The following PIWIL1 variants were observed in gnomAD, a reference collection of about 807,000 sequenced individuals.
PIWIL1 encodes the protein piwi-like protein 1.
In PIWIL1, 73 loss-of-function variants were observed where a neutral mutation model predicts 114.4. That is an observed-to-expected ratio of 0.64 (90% CI 0.53 to 0.78). The LOEUF (loss-of-function observed/expected upper bound fraction) is 0.78. Among genes scored for constraint, PIWIL1 ranks in the 30% least tolerant of loss-of-function variants. The pLI, the probability that PIWIL1 is intolerant of heterozygous loss-of-function variation, is 0.00. For synonymous variants in PIWIL1, 375 were observed against 369.0 expected (o/e 1.02, Z -0.19); for missense variants, 723 against 1,063.1 (o/e 0.68, Z 4.45).
At chr12:130,397,414 C>CCTTTTTCTTTTT in the PIWIL1 span, 1 of 399,036 alleles carries the variant, frequency 2.5e-6, no homozygotes, top group Non-Finnish European at 4.4e-6. Flanking sequence ...GAAAGCAGCC[C>CCTTTTTCTTTTT]CTTTTTCTTT....
the PIWIL1 span, among the ~76,000 whole-genome samples, chr12:130,416,761 T>G: frequency 0.1 from 15,447 of 152,080 alleles, 880 homozygotes; most frequent in South Asian, 0.21. Context: ...CAAAAGAAAC[T>G]ATCAACAGAG....
chr12:130,377,053 G>A (rs2073872537), downstream of PIWIL1, among the ~76,000 whole-genome samples: 1 of 152,190 alleles, frequency 6.6e-6, no homozygotes, highest in African/African-American at 2.4e-5. Flanking sequence ...TGAGCGTGCA[G>A]CCTAGACACC....
At position 130,357,120 on chromosome 12, in the gene PIWIL1, T is replaced by G. The variant is rs747215134; in HGVS notation, c.1592+15T>G. 4 of 1,590,630 alleles carry G rather than the reference T, an allele frequency of 2.5e-6. No individual in the cohort carries two copies. In the East Asian group the frequency reaches 9.0e-5, roughly 36 times the overall value. On this transcript the variant is annotated intron_variant, in intron 13 of 20. Coordinates refer to ENST00000245255, the MANE Select transcript of PIWIL1 (RefSeq NM_004764.5). ...AAAGCAATAATGTAAGTTAATCAAG[T>G]CATTTCTGCTCTGAAAATTGCTTGG...
chr12:130,345,949 A>G, intron 4 of PIWIL1, 71 bp downstream of exon 4: 1 of 1,529,122 alleles, frequency 6.5e-7, no homozygotes, highest in Non-Finnish European at 8.9e-7. Context: ...GAGGCACTTT[A>G]GTTTAGGTGT....
chr12:130,392,331 C>A, the PIWIL1 span, among the ~76,000 whole-genome samples: 9 of 42,954 alleles, frequency 2.1e-4, no homozygotes, highest in South Asian at 1.0e-3. Context: ...CCGTCAGTTA[C>A]CTGGTGAATA....
At chr12:130,388,923 A>G in the PIWIL1 span, among the ~76,000 whole-genome samples, 1 of 152,030 alleles carries the variant, frequency 6.6e-6, no homozygotes, top group Admixed American at 6.6e-5. Flanking sequence ...ACTTTATTAA[A>G]TTTTCTCCAT....
At chr12:130,379,367 T>C in the PIWIL1 span, among the ~76,000 whole-genome samples, 1 of 152,164 alleles carries the variant, frequency 6.6e-6, no homozygotes, top group Admixed American at 6.5e-5. Flanking sequence ...AAATGCTTCC[T>C]TGACAGTTCC....
At chr12:130,408,585 C>T in the PIWIL1 span, among the ~76,000 whole-genome samples, 24 of 152,258 alleles carry the variant, frequency 1.6e-4, no homozygotes, top group African/African-American at 4.8e-4. Context: ...CCAGCGTGAG[C>T]GCTCCACACA....
rs761820280 is a variant in PIWIL1, at chr12:130,354,680, T to C, written c.1171+17T>C. ...ATCTTACAGGTACTGTTGCATTTCA[T>C]TTACTCGGAAGGAAGCCACTGGATT... is the stretch of plus-strand genomic sequence containing the variant. On this transcript the variant is annotated intron_variant, in intron 10 of 20. Transcript: ENST00000245255. 5.8e-6 allele frequency: 9 copies of C among 1,555,558 alleles called. No homozygotes were observed. The highest frequency in any genetic ancestry group is 8.7e-7 in the Non-Finnish European group (1 of 1,154,194).
At chr12:130,340,076 A>G (rs912159700) in intron 1 of PIWIL1, among the ~76,000 whole-genome samples, 38 of 152,144 alleles carry the variant, frequency 2.5e-4, no homozygotes, top group African/African-American at 8.2e-4. Flanking sequence ...ACAGGTTACC[A>G]TGTAGTAGGG....
At chr12:130,391,880 CT>C in the PIWIL1 span, among the ~76,000 whole-genome samples, 126 of 152,326 alleles carry the variant, frequency 8.3e-4, no homozygotes, top group Non-Finnish European at 1.5e-3. Flanking sequence ...GCCTTTCCCC[CT>C]AGTCACCGTC....
At chr12:130,392,680 T>C in the PIWIL1 span, among the ~76,000 whole-genome samples, 1,705 of 4,036 alleles carry the variant, frequency 0.42, 489 homozygotes, top group Non-Finnish European at 0.57. Context: ...ATCACGTGTC[T>C]GTCAGTTACC....
rs1166193959 is a variant in PIWIL1, at chr12:130,354,961, G to A, written c.1245G>A (p.Glu415=). 6.2e-7 allele frequency: 1 copy of A among 1,613,642 alleles called. No homozygotes were observed. The highest frequency in any genetic ancestry group is 2.2e-5 in the East Asian group (1 of 44,880). The part of the protein sequence containing the change: ...DLAVHTRLTP[E]QRQREVGRLI... ...CCGTTCATACAAGACTAACTCCAGA[G>A]CAAAGGCAGCGTGAAGTGGGACGAC... Residue 415 remains glutamate, a synonymous_variant, in exon 11 of 21, where the codon GAG becomes GAA. Coordinates refer to ENST00000245255, the MANE Select transcript of PIWIL1 (RefSeq NM_004764.5).
chr12:130,414,328 G>A, the PIWIL1 span: 3 of 1,561,012 alleles, frequency 1.9e-6, no homozygotes, highest in Non-Finnish European at 2.6e-6. Flanking sequence ...TGGGGGTGAA[G>A]AACAGAGCGG....
the PIWIL1 span, chr12:130,407,837 G>C: frequency 4.3e-6 from 7 of 1,610,000 alleles, no homozygotes; most frequent in Non-Finnish European, 3.4e-6. Context: ...TCTCTGTTCA[G>C]ATCACAAGGG....
At chr12:130,383,934 G>C in the PIWIL1 span, 1 of 152,130 alleles carries the variant, frequency 6.6e-6, no homozygotes, top group African/African-American at 2.4e-5. Flanking sequence ...ACAGAAACTT[G>C]ATCATACTAT....
the PIWIL1 span, among the ~76,000 whole-genome samples, chr12:130,380,144 C>G: frequency 3.4e-4 from 30 of 87,706 alleles, no homozygotes; most frequent in African/African-American, 9.7e-4. Flanking sequence ...CCTCATCCCA[C>G]TTCCCACCCA....
At chr12:130,364,717 G>C (rs917874183) in intron 18 of PIWIL1, among the ~76,000 whole-genome samples, 1 of 152,142 alleles carries the variant, frequency 6.6e-6, no homozygotes, top group African/African-American at 2.4e-5. Context: ...CTGTCTGTGT[G>C]GGGAGGTGTG....
At chr12:130,353,322 T>TTTG (rs55881064) in intron 9 of PIWIL1, among the ~76,000 whole-genome samples, 79,072 of 134,236 alleles carry the variant, frequency 0.59, 24,304 homozygotes, top group South Asian at 0.7. Flanking sequence ...TGTGTGGTTT[T>TTTG]TTCTTCTGGT....
Sources: allele counts gnomAD v4.1 joint callset (sites outside exome capture counted in the v4.1 genomes callset), GRCh38; gene constraint gnomAD v4.1.1; transcripts MANE v1.5; gene names NCBI Gene and HGNC (gene_info 2026-07-23, HGNC 2026-07-21).